The following PLCB3 variants were observed in gnomAD, a reference collection of about 807,000 sequenced individuals.
The protein encoded by PLCB3 is 1-phosphatidylinositol 4,5-bisphosphate phosphodiesterase beta-3.
PLCB3 carries 54 observed loss-of-function variants against 152.1 expected under a neutral mutation model. The observed-to-expected ratio is 0.36, with a 90% CI of 0.29 to 0.45. PLCB3 has a LOEUF of 0.45. PLCB3 is among the 20% of genes least tolerant of loss of function. The probability of loss-of-function intolerance (pLI) is 1.00; values close to 1 mark genes in which losing one functional copy is unlikely to be tolerated. For missense variants in PLCB3, 1,248 were observed against 1,687.5 expected, an observed-to-expected ratio of 0.74 and a Z score of 4.56; for synonymous variants, 717 against 698.7, an observed-to-expected ratio of 1.03 and a Z score of -0.41.
At chr11:64,253,043 A>G (rs1035087947) in intron 1 of PLCB3, among the ~76,000 whole-genome samples, 1 of 152,196 alleles carries the variant, frequency 6.6e-6, no homozygotes, top group African/African-American at 2.4e-5. Context: ...ATGCATCCCC[A>G]AATTTTGGGG....
intron 15 of PLCB3, 41 bp from the exon 16 acceptor site, chr11:64,261,540 G>T (rs746790543): frequency 1.9e-6 from 3 of 1,611,224 alleles, no homozygotes; most frequent in Non-Finnish European, 2.5e-6. Context: ...GCCCAGCTCA[G>T]CCCTGCCAGG....
chr11:64,252,824 G>C (rs909825932), intron 1 of PLCB3, among the ~76,000 whole-genome samples: 9 of 152,078 alleles, frequency 5.9e-5, no homozygotes, highest in African/African-American at 9.7e-5. Context: ...GGGGTGGGGG[G>C]TGCTGACGGA....
chr11:64,267,649 T>A lies in PLCB3; in HGVS notation c.*93T>A. The stretch of plus-strand genomic sequence containing the variant: ...AATGCTTTTTTTTTTTTTTTTTAAC[T>A]TTTTATCTAGAAATTTTATTTTTTT... On this transcript the variant is annotated 3_prime_UTR_variant, in exon 31 of 31. Transcript: ENST00000279230. This position sits in a 1 kb window ranked among gnomAD's most constrained non-coding sequence, Gnocchi z 5.2. 1.0e-6 allele frequency: 1 copy of A among 969,674 alleles called. No individual in the cohort carries two copies. Among genetic ancestry groups the A allele is most frequent in the Non-Finnish European group, 1.5e-6 (1 of 666,946 alleles). 60.1% of individuals were successfully genotyped at this position (969,674 alleles called of 1,614,324 possible). A position where few individuals can be genotyped will look rare whatever the true frequency, so the allele number is the denominator to read the frequency against.
Position 64,267,438 on chromosome 11 carries a change from C to G in PLCB3, c.3587C>G (p.Pro1196Arg). The change falls in exon 31 of 31, where the codon CCG becomes CGG. Residue 1196 changes from proline to arginine, a missense_variant. Pro to Arg is a moderately radical substitution (Grantham distance 103). Coordinates refer to ENST00000279230, the MANE Select transcript of PLCB3 (RefSeq NM_000932.5). The surrounding 1 kb of genome is among the most constrained non-coding windows in gnomAD (Gnocchi z 5.2). Reference protein sequence around the residue: ...EIRRSLLGEMPEGLGDGPLVA... With the variant: ...EIRRSLLGEMREGLGDGPLVA... ...CGCCGGAGCCTGCTGGGCGAGATGC[C>G]GGAGGGGCTGGGGGACGGGCCTCTG... The G allele has an allele frequency of 6.5e-7, 1 of 1,548,560 alleles. No homozygotes were observed. Among genetic ancestry groups the G allele is most frequent in the East Asian group, 2.4e-5 (1 of 41,590 alleles).
chr11:64,269,404 C>A (rs2032323250), downstream of PLCB3, among the ~76,000 whole-genome samples: 1 of 152,244 alleles, frequency 6.6e-6, no homozygotes, highest in African/African-American at 2.4e-5. Flanking sequence ...ACGGAGCCCC[C>A]GCTCTGTCCG....
At chr11:64,263,035 C>A (rs961515516) in intron 19 of PLCB3, among the ~76,000 whole-genome samples, 1 of 152,206 alleles carries the variant, frequency 6.6e-6, no homozygotes, top group Non-Finnish European at 1.5e-5. Context: ...GGGGTGTCAG[C>A]TAGACGTCTT....
chr11:64,268,694 T>G (rs909478267), downstream of PLCB3: 2 of 152,350 alleles, frequency 1.3e-5, no homozygotes, highest in Non-Finnish European at 2.9e-5. Context: ...AGGGCGGGGC[T>G]GGGCTCGCAG....
In PLCB3 at chr11:64,255,894, A is replaced by C; in HGVS notation, c.698+73A>C. 2.6e-6 allele frequency: 3 copies of C among 1,157,932 alleles called. No individual in the cohort carries two copies. Among genetic ancestry groups the C allele is most frequent in the Non-Finnish European group, 3.9e-6 (3 of 768,120 alleles). 71.7% of individuals were successfully genotyped at this position (1,157,932 alleles called of 1,614,324 possible). A position where few individuals can be genotyped will look rare whatever the true frequency, so the allele number is the denominator to read the frequency against. On this transcript the variant is annotated intron_variant, in intron 8 of 30. Coordinates refer to ENST00000279230, the MANE Select transcript of PLCB3 (RefSeq NM_000932.5). This position sits in a 1 kb window ranked among gnomAD's most constrained non-coding sequence, Gnocchi z 6.8. ...TTCTGCTTAGCGTGCCTCTAGCTCA[A>C]TGGGGAGAGGGGAAACTGGTGGGCC...
intron 1 of PLCB3, among the ~76,000 whole-genome samples, chr11:64,252,504 C>T (rs2031267272): frequency 6.6e-6 from 1 of 152,222 alleles, no homozygotes; most frequent in South Asian, 2.1e-4. Context: ...CCCCTGGGCC[C>T]TTCCTTCCCT....
In PLCB3 at chr11:64,265,849, C is replaced by T. The variant is rs577265727; in HGVS notation, c.3036-37C>T. On this transcript the variant is annotated intron_variant, in intron 25 of 30. Coordinates refer to ENST00000279230, the MANE Select transcript of PLCB3 (RefSeq NM_000932.5). ...ACCCTCCCCATCCCAGTCCATGTGA[C>T]GGGCCCAGGCATCACCCAGAGGGGT... 1.6e-4 allele frequency: 251 copies of T among 1,602,026 alleles called. 1 individual carries two copies. The South Asian group carries it at 1.7e-3, about 11-fold the overall frequency.
At chr11:64,260,975 C>G (rs1055957282) in intron 14 of PLCB3, among the ~76,000 whole-genome samples, 2 of 152,060 alleles carry the variant, frequency 1.3e-5, no homozygotes, top group African/African-American at 4.8e-5. Context: ...CTATAATTTA[C>G]TCCCAAATGA....
At chr11:64,254,869 C>T in intron 3 of PLCB3, 29 bp from the exon 4 acceptor site, 2 of 1,613,252 alleles carry the variant, frequency 1.2e-6, no homozygotes, top group Non-Finnish European at 1.7e-6. Context: ...CGGGAGCCCC[C>T]TCTTCACCCT....
Position 64,263,685 on chromosome 11 carries a change from A to C in PLCB3, c.2456-6A>C. On this transcript the variant is annotated splice_region_variant and splice_polypyrimidine_tract_variant and intron_variant, in intron 20 of 30. Transcript: ENST00000279230. ...GCAACCCAACGTTGCCTTCCTGACC[A>C]CCCAGGATACCACTACGTCTGCCTG... 1 of 1,612,494 alleles carries C rather than the reference A, an allele frequency of 6.2e-7. No individual in the cohort carries two copies. Among genetic ancestry groups the C allele is most frequent in the Non-Finnish European group, 8.5e-7 (1 of 1,179,046 alleles).
rs193263245 is a variant in PLCB3 at position 64,258,804 on chromosome 11, C to G, written c.1254-81C>G. On this transcript the variant is annotated intron_variant, in intron 11 of 30. Coordinates refer to ENST00000279230, the MANE Select transcript of PLCB3 (RefSeq NM_000932.5). This position sits in a 1 kb window ranked among gnomAD's most constrained non-coding sequence, Gnocchi z 7.2. ...GACTGCTCAGGGACCTCCAACCCTG[C>G]GAACGGCCACTGACATGTCCCGTAG... 2.2e-5 allele frequency: 35 copies of G among 1,600,264 alleles called. No individual in the cohort carries two copies. The African/African-American group carries it at 3.9e-4, about 18-fold the overall frequency.
chr11:64,256,610 C>T lies in PLCB3; in HGVS notation c.866-8C>T, dbSNP rs1406609968. On this transcript the variant is annotated splice_polypyrimidine_tract_variant and splice_region_variant and intron_variant, in intron 9 of 30. Coordinates refer to ENST00000279230, the MANE Select transcript of PLCB3 (RefSeq NM_000932.5). ...CCAGCTGACCCTGCTGATCCTCTCC[C>T]ACCCCAGACCAGATGTCCATGGAGG... 1.2e-6 allele frequency: 2 copies of T among 1,614,008 alleles called. No individual in the cohort carries two copies. Among genetic ancestry groups the T allele is most frequent in the African/African-American group, 1.3e-5 (1 of 75,054 alleles).
intron 2 of PLCB3, 78 bp from the exon 3 acceptor site, chr11:64,254,670 C>A: frequency 6.6e-7 from 1 of 1,518,062 alleles, no homozygotes; most frequent in African/African-American, 1.4e-5. Flanking sequence ...CATTCCCTGG[C>A]CTGGGTAGAG....
intron 1 of PLCB3, among the ~76,000 whole-genome samples, chr11:64,252,058 C>T (rs2031237029): frequency 6.6e-6 from 1 of 152,100 alleles, no homozygotes; most frequent in Non-Finnish European, 1.5e-5. Flanking sequence ...ATTCTCGTTC[C>T]CCGATCCTGG....
rs1242952677 is a variant in PLCB3, at chr11:64,267,006, C to A, written c.3415-179C>A. ...ATGGGGTTTCACCATGTTGGCCAGGCTGTTCTCGAACTCCTGACCTCAGGT... is the reference window on the plus strand; with the variant it reads ...ATGGGGTTTCACCATGTTGGCCAGGATGTTCTCGAACTCCTGACCTCAGGT... On this transcript the variant is annotated intron_variant, in intron 29 of 30. Transcript: ENST00000279230. This position sits in a 1 kb window ranked among gnomAD's most constrained non-coding sequence, Gnocchi z 5.2. Among the ~76,000 whole-genome samples, 1 of 152,192 alleles carries A rather than the reference C, an allele frequency of 6.6e-6. No homozygotes were observed. Among genetic ancestry groups the A allele is most frequent in the Non-Finnish European group, 1.5e-5 (1 of 68,022 alleles).
In PLCB3 at chr11:64,256,677, C is replaced by A; in HGVS notation, c.925C>A (p.Pro309Thr). The change falls in exon 10 of 31, where the codon CCC becomes ACC. Residue 309 changes from proline (P) to threonine (T), a missense_variant. Pro to Thr is a conservative substitution (Grantham distance 38). Coordinates refer to ENST00000279230, the MANE Select transcript of PLCB3 (RefSeq NM_000932.5). ...GGGAGGCGAGGAGAATGGCATCCTG[C>A]CCCTGGAAGCCCTGGATCTGAGCAC... is the stretch of plus-strand genomic sequence containing the variant. Reference protein sequence around the residue: ...YLGGEENGILPLEALDLSTDM... With the variant: ...YLGGEENGILTLEALDLSTDM... 1 of 1,614,180 alleles carries A rather than the reference C, an allele frequency of 6.2e-7. No individual in the cohort carries two copies.
Sources: gnomAD v4.1 joint callset for allele counts (sites outside exome capture counted in the v4.1 genomes callset) on GRCh38, gnomAD v4.1.1 for gene constraint, Gnocchi (gnomAD v3.1) non-coding constraint, MANE v1.5 for transcripts, NCBI Gene and HGNC (gene_info 2026-07-23, HGNC 2026-07-21) for gene names.